The following TRAF3 variants were observed in gnomAD, a reference collection of about 807,000 sequenced individuals.
The protein encoded by TRAF3 is TNF receptor associated factor 3, also known as TNF receptor-associated factor 3.
Under a neutral mutation model 62.3 loss-of-function variants are expected in TRAF3, and 13 were observed. That is an observed-to-expected ratio of 0.21 (90% confidence interval 0.14 to 0.33). TRAF3 has a LOEUF of 0.33. Among genes scored for constraint, TRAF3 ranks in the 10% least tolerant of loss-of-function variants. The probability of loss-of-function intolerance (pLI) is 1.00; values close to 1 mark genes in which losing one functional copy is unlikely to be tolerated. For synonymous variants in TRAF3, 269 were observed against 283.4 expected, an observed-to-expected ratio of 0.95 and a Z score of 0.51; for missense variants, 440 against 741.8, an observed-to-expected ratio of 0.59 and a Z score of 4.73.
At chr14:102,838,111 C>T (rs1419294726) in intron 2 of TRAF3, among the ~76,000 whole-genome samples, 1 of 152,196 alleles carries the variant, frequency 6.6e-6, no homozygotes, top group Non-Finnish European at 1.5e-5. Context: ...AGTAACGTAT[C>T]GTGTTGTGAA....
chr14:102,807,285 A>T (rs1056291915), intron 1 of TRAF3, among the ~76,000 whole-genome samples: 3 of 152,140 alleles, frequency 2.0e-5, no homozygotes, highest in Non-Finnish European at 4.4e-5. Context: ...CTGCCTGCCC[A>T]GGAGGCCATC....
chr14:102,820,558 C>G lies in TRAF3; in HGVS notation c.-156-9776C>G, dbSNP rs11621166. On this transcript the variant is annotated intron_variant, in intron 1 of 11. Transcript: ENST00000392745. The stretch of plus-strand genomic sequence containing the variant: ...TACATTTTAAAAATTTATTTGCTTT[C>G]TGAAATGGGACCAGCATATATATAT... 8.2e-5 allele frequency among the ~76,000 whole-genome samples: 8 copies of G among 97,354 alleles called. No individual in the cohort carries two copies. In the Admixed American group the frequency reaches 8.3e-4, roughly 10 times the overall value. 63.9% of individuals were successfully genotyped at this position (97,354 alleles called of 152,430 possible).
intron 1 of TRAF3, among the ~76,000 whole-genome samples, chr14:102,827,506 A>G (rs1317936956): frequency 6.6e-6 from 1 of 152,196 alleles, no homozygotes; most frequent in Non-Finnish European, 1.5e-5. Context: ...AATATTCTTA[A>G]ATATTTTGTG....
chr14:102,781,383 T>G (rs886507909), intron 1 of TRAF3, among the ~76,000 whole-genome samples: 1 of 152,148 alleles, frequency 6.6e-6, no homozygotes, highest in Admixed American at 6.6e-5. Flanking sequence ...GTGAAGGGCA[T>G]GGTCTGTGGA....
intron 3 of TRAF3, 122 bp from the exon 4 acceptor site, chr14:102,871,795 C>G (rs1888356763): frequency 1.2e-6 from 1 of 852,752 alleles, no homozygotes; most frequent in Admixed American, 1.8e-5. Flanking sequence ...CGTCCTGAAG[C>G]TCTGCTGGTT....
chr14:102,866,941 A>G (rs1244613609), intron 2 of TRAF3, among the ~76,000 whole-genome samples: 1 of 152,048 alleles, frequency 6.6e-6, no homozygotes, highest in East Asian at 1.9e-4. Flanking sequence ...AAGAGAAAAC[A>G]AGTGGCCTCT....
At position 102,870,234 on chromosome 14, in the gene TRAF3, C is replaced by T. The variant is rs758876295; in HGVS notation, c.33C>T (p.Gly11=). The T allele has an allele frequency of 7.4e-6, 12 of 1,613,940 alleles. No individual in the cohort carries two copies. Among genetic ancestry groups the T allele is most frequent in the East Asian group, 4.5e-5 (2 of 44,882 alleles). The part of the protein sequence containing the change: MESSKKMDSP[G]ALQTNPPLKL... ...CGAGTAAAAAGATGGACTCTCCTGGCGCGCTGCAGACTAACCCGCCGCTAA... is the reference window on the plus strand; with the variant it reads ...CGAGTAAAAAGATGGACTCTCCTGGTGCGCTGCAGACTAACCCGCCGCTAA... Residue 11 remains glycine, a synonymous_variant, in exon 3 of 12, where the codon GGC becomes GGT. Coordinates refer to ENST00000392745, the MANE Select transcript of TRAF3 (RefSeq NM_145725.3).
At chr14:102,842,888 A>G (rs2139686133) in intron 2 of TRAF3, among the ~76,000 whole-genome samples, 1 of 152,346 alleles carries the variant, frequency 6.6e-6, no homozygotes, top group South Asian at 2.1e-4. Context: ...AAAATGAAGG[A>G]TAAATTTTTA....
chr14:102,816,407 C>T (rs1247630249), intron 1 of TRAF3, among the ~76,000 whole-genome samples: 1 of 152,158 alleles, frequency 6.6e-6, no homozygotes, highest in Non-Finnish European at 1.5e-5. Context: ...ACCGATTGTA[C>T]AGGCCACAGG....
At chr14:102,862,014 A>G (rs1359656151) in intron 2 of TRAF3, among the ~76,000 whole-genome samples, 1 of 152,156 alleles carries the variant, frequency 6.6e-6, no homozygotes, top group Non-Finnish European at 1.5e-5. Flanking sequence ...CACTTTATTG[A>G]TAATCTCATT....
chr14:102,896,761 A>G (rs929010879), intron 9 of TRAF3, among the ~76,000 whole-genome samples: 2 of 152,188 alleles, frequency 1.3e-5, no homozygotes, highest in East Asian at 1.9e-4. Flanking sequence ...TGTTTATAGC[A>G]TTCCCTATTA....
intron 2 of TRAF3, among the ~76,000 whole-genome samples, chr14:102,832,926 A>G: frequency 6.6e-6 from 1 of 152,194 alleles, no homozygotes; most frequent in East Asian, 1.9e-4. Flanking sequence ...CTATGTTTAT[A>G]ATTTTAAAAT....
At chr14:102,844,956 G>C (rs1886605785) in intron 2 of TRAF3, among the ~76,000 whole-genome samples, 1 of 152,080 alleles carries the variant, frequency 6.6e-6, no homozygotes, top group South Asian at 2.1e-4. Context: ...GGAGTGCAGT[G>C]GTGCAATTTT....
At chr14:102,782,430 A>C (rs1489368467) in intron 1 of TRAF3, among the ~76,000 whole-genome samples, 2 of 148,636 alleles carry the variant, frequency 1.3e-5, no homozygotes, top group East Asian at 4.0e-4. Flanking sequence ...AGCGGGTTTC[A>C]CCCTGTTGGC....
intron 1 of TRAF3, among the ~76,000 whole-genome samples, chr14:102,806,556 G>A (rs1020325276): frequency 2.0e-5 from 3 of 152,106 alleles, no homozygotes; most frequent in African/African-American, 7.2e-5. Context: ...CTTCAGCTTC[G>A]GACCTGCATA....
chr14:102,831,690 GC>G (rs1900697897), intron 2 of TRAF3, among the ~76,000 whole-genome samples: 1 of 152,118 alleles, frequency 6.6e-6, no homozygotes, highest in Non-Finnish European at 1.5e-5. Context: ...GAATACAAGA[GC>G]CTTTCTTGGC....
chr14:102,847,093 C>A (rs1886771569), intron 2 of TRAF3, among the ~76,000 whole-genome samples: 1 of 151,940 alleles, frequency 6.6e-6, no homozygotes, highest in Non-Finnish European at 1.5e-5. Flanking sequence ...TGGAAAATCC[C>A]CAAAGCACAT....
chr14:102,829,980 A>AAAT (rs1900573382), intron 1 of TRAF3, among the ~76,000 whole-genome samples: 1 of 152,178 alleles, frequency 6.6e-6, no homozygotes, highest in Non-Finnish European at 1.5e-5. Flanking sequence ...AAGATAAAAT[A>AAAT]AAATAAATAA....
intron 1 of TRAF3, among the ~76,000 whole-genome samples, chr14:102,804,670 A>T (rs1898660086): frequency 6.6e-6 from 1 of 151,962 alleles, no homozygotes; most frequent in Non-Finnish European, 1.5e-5. Flanking sequence ...TATTTTTTGT[A>T]GCGACAGGGT....
Sources: allele counts gnomAD v4.1 joint callset (sites outside exome capture counted in the v4.1 genomes callset), GRCh38; gene constraint gnomAD v4.1.1; transcripts MANE v1.5; gene names NCBI Gene and HGNC (gene_info 2026-07-23, HGNC 2026-07-21).